CFDP1: variants seen among roughly 807,000 people sequenced by gnomAD.
The protein encoded by CFDP1 is chromatin remodeling protein CFDP1.
A neutral mutation model predicts 40.1 loss-of-function variants in CFDP1; 31 were observed. The ratio of observed to expected loss-of-function variants is 0.77; its 90% CI spans 0.58 to 1.04. The LOEUF is 1.04. Ranked by LOEUF, CFDP1 falls within the 50% of genes least tolerant of loss-of-function variation. The pLI is 0.00. For synonymous variants in CFDP1, 167 were observed against 120.0 expected (o/e 1.39, Z -2.56); for missense variants, 423 against 343.4 (o/e 1.23, Z -1.83).
At chr16:75,337,169 G>A (rs900599437) in intron 5 of CFDP1, among the ~76,000 whole-genome samples, 4 of 152,208 alleles carry the variant, frequency 2.6e-5, no homozygotes, top group Admixed American at 2.0e-4. Context: ...TACTCTGCTC[G>A]CTGATGCGAA....
intron 5 of CFDP1, among the ~76,000 whole-genome samples, chr16:75,334,194 C>T (rs1051378558): frequency 3.8e-4 from 55 of 145,850 alleles, no homozygotes; most frequent in African/African-American, 1.3e-3. Context: ...GCCTCCTCCT[C>T]GCAGCACCCT....
chr16:75,329,186 A>C (rs1176664811), intron 5 of CFDP1, among the ~76,000 whole-genome samples: 1 of 152,206 alleles, frequency 6.6e-6, no homozygotes, highest in East Asian at 1.9e-4. Flanking sequence ...GGGTTTCCCC[A>C]TGTTGGCCGG....
At position 75,371,222 on chromosome 16, in the gene CFDP1, G is replaced by C. The variant is rs140265785; in HGVS notation, c.650+23868C>G. Among the ~76,000 whole-genome samples the C allele has an allele frequency of 4.0e-3, 606 of 152,298 alleles. 5 individuals are homozygous for C. The highest frequency in any genetic ancestry group is 0.013 in the African/African-American group (543 of 41,556). On this transcript the variant is annotated intron_variant, in intron 5 of 6. Transcript: ENST00000283882. ...ACTTTTTACCCTCTAAATGCCAGTA[G>C]CATCCCCTGCCTTGCCCAGGTTATA...
chr16:75,305,413 G>C (rs750368303), intron 5 of CFDP1: 27 of 497,236 alleles, frequency 5.4e-5, no homozygotes, highest in Non-Finnish European at 9.4e-5. Flanking sequence ...CTACGAACAG[G>C]AAATCCTGCC....
intron 6 of CFDP1, among the ~76,000 whole-genome samples, chr16:75,299,365 A>T (rs2078205881): frequency 6.6e-6 from 1 of 151,618 alleles, no homozygotes; most frequent in African/African-American, 2.4e-5. Context: ...AGGTGGGTGG[A>T]TCATGTGGTC....
intron 4 of CFDP1, among the ~76,000 whole-genome samples, chr16:75,403,876 A>T (rs556342006): frequency 1.3e-5 from 2 of 152,254 alleles, no homozygotes; most frequent in Admixed American, 1.3e-4. Context: ...TCACACCTGT[A>T]ATCCCAGCAC....
chr16:75,302,579 C>T (rs1021836818), intron 6 of CFDP1, among the ~76,000 whole-genome samples: 3 of 152,218 alleles, frequency 2.0e-5, no homozygotes, highest in Admixed American at 2.0e-4. Flanking sequence ...CCTCTATTAA[C>T]TCAAGCAGAG....
At chr16:75,413,023 C>G (rs1232220331) in intron 2 of CFDP1, among the ~76,000 whole-genome samples, 1 of 151,814 alleles carries the variant, frequency 6.6e-6, no homozygotes, top group African/African-American at 2.4e-5. Context: ...AAATCAGGAC[C>G]AGCTGTTTTC....
At chr16:75,309,210 A>G (rs533153149) in intron 5 of CFDP1, among the ~76,000 whole-genome samples, 13 of 152,102 alleles carry the variant, frequency 8.5e-5, no homozygotes, top group Non-Finnish European at 1.5e-4. Flanking sequence ...GAGGGGTTTC[A>G]GTGTCCTAAT....
chr16:75,303,303 T>C lies in CFDP1; in HGVS notation c.809+1721A>G, dbSNP rs559230286. ...ATCGCTTGAACCCGGCAGGCAGAGG[T>C]TGCAGTGACCCAAGATCACGCCATT... is the stretch of plus-strand genomic sequence containing the variant. On this transcript the variant is annotated intron_variant, in intron 6 of 6. Coordinates refer to ENST00000283882, the MANE Select transcript of CFDP1 (RefSeq NM_006324.3). Among the ~76,000 whole-genome samples, 335 of 151,976 alleles carry C rather than the reference T, an allele frequency of 2.2e-3. 2 individuals carry two copies. Among genetic ancestry groups the C allele is most frequent in the African/African-American group, 7.6e-3 (315 of 41,446 alleles).
At chr16:75,412,839 T>A in intron 2 of CFDP1, 85 bp from the exon 3 acceptor site, 1 of 1,077,130 alleles carries the variant, frequency 9.3e-7, no homozygotes, top group South Asian at 1.4e-5. Flanking sequence ...GGTAATCTTA[T>A]AAACCCAAGA....
At chr16:75,424,498 A>G (rs993160632) in intron 1 of CFDP1, among the ~76,000 whole-genome samples, 12 of 152,242 alleles carry the variant, frequency 7.9e-5, no homozygotes, top group East Asian at 7.7e-4. Context: ...GCTCACGCCT[A>G]TAATCCCAGC....
At chr16:75,403,712 T>C (rs1444697235) in intron 4 of CFDP1, among the ~76,000 whole-genome samples, 1 of 152,250 alleles carries the variant, frequency 6.6e-6, no homozygotes, top group South Asian at 2.1e-4. Context: ...ATTATTTTTA[T>C]AGGACTTTCA....
chr16:75,371,069 A>G (rs2078747801), intron 5 of CFDP1, among the ~76,000 whole-genome samples: 3 of 152,286 alleles, frequency 2.0e-5, no homozygotes, highest in South Asian at 4.1e-4. Context: ...AAACTATCAC[A>G]TGTTCATGTG....
chr16:75,395,541 C>T (rs1567670622), intron 4 of CFDP1, among the ~76,000 whole-genome samples: 1 of 152,054 alleles, frequency 6.6e-6, no homozygotes, highest in Admixed American at 6.6e-5. Context: ...CGCCTGTAGT[C>T]CCAGCTACTC....
At chr16:75,357,015 G>A (rs1457521054) in intron 5 of CFDP1, among the ~76,000 whole-genome samples, 1 of 147,566 alleles carries the variant, frequency 6.8e-6, no homozygotes, top group Non-Finnish European at 1.5e-5. Flanking sequence ...CCAGGTTTAA[G>A]CAGTTCTCCT....
At chr16:75,378,206 G>A (rs1169477863) in intron 5 of CFDP1, among the ~76,000 whole-genome samples, 3 of 152,082 alleles carry the variant, frequency 2.0e-5, no homozygotes, top group Non-Finnish European at 4.4e-5. Context: ...TCTACAACTA[G>A]AGGACAAGTC....
chr16:75,378,123 G>A (rs1339161060), intron 5 of CFDP1, among the ~76,000 whole-genome samples: 1 of 152,128 alleles, frequency 6.6e-6, no homozygotes, highest in Non-Finnish European at 1.5e-5. Flanking sequence ...AGGCTTCCAG[G>A]CAACACAGCA....
chr16:75,327,868 T>A (rs1340115648), intron 5 of CFDP1, among the ~76,000 whole-genome samples: 1 of 151,896 alleles, frequency 6.6e-6, no homozygotes, highest in Non-Finnish European at 1.5e-5. Context: ...GGATTACAGG[T>A]ACCCGCCACC....
Sources: allele counts gnomAD v4.1 joint callset (sites outside exome capture counted in the v4.1 genomes callset), GRCh38; gene constraint gnomAD v4.1.1; transcripts MANE v1.5; gene names NCBI Gene and HGNC (gene_info 2026-07-23, HGNC 2026-07-21).